RALGAPB: variants seen among roughly 807,000 people sequenced by gnomAD.
RALGAPB encodes the protein ral GTPase-activating protein subunit beta.
RALGAPB carries 25 observed loss-of-function variants against 161.1 expected under a neutral mutation model. The observed-to-expected ratio is 0.16, with a 90% confidence interval of 0.11 to 0.22. RALGAPB has a LOEUF of 0.22. Among genes scored for constraint, RALGAPB ranks in the 10% least tolerant of loss-of-function variants. RALGAPB has a pLI of 1.00. For missense variants in RALGAPB, 1,391 were observed against 1,815.2 expected, an observed-to-expected ratio of 0.77 and a Z score of 4.25; for synonymous variants, 629 against 626.1, an observed-to-expected ratio of 1.00 and a Z score of -0.07.
At chr20:38,518,095 T>G (rs1261227789) in intron 9 of RALGAPB, 95 bp downstream of exon 9, 1 of 1,168,744 alleles carries the variant, frequency 8.6e-7, no homozygotes, top group African/African-American at 1.5e-5. Context: ...ATATGTATCT[T>G]AAAAAGCTCT....
At chr20:38,572,349 ACT>A (rs1362556916) in intron 28 of RALGAPB, among the ~76,000 whole-genome samples, 1 of 152,180 alleles carries the variant, frequency 6.6e-6, no homozygotes, top group Non-Finnish European at 1.5e-5. Flanking sequence ...TTGGTTTATA[ACT>A]CTAAGAGTTC....
intron 1 of RALGAPB, among the ~76,000 whole-genome samples, chr20:38,487,992 G>A (rs889473109): frequency 3.3e-5 from 5 of 152,134 alleles, no homozygotes; most frequent in East Asian, 1.9e-4. Context: ...CTTGAATCGC[G>A]GAGGTTGCTG....
In RALGAPB at chr20:38,524,797, C is replaced by A; in HGVS notation, c.1639C>A (p.Gln547Lys). Residue 547 changes from glutamine to lysine, a missense_variant, in exon 11 of 30, where the codon CAA becomes AAA. By Grantham distance (53) the Gln-to-Lys change is moderately conservative. This residue lies in a region of RALGAPB where 946 missense variants were observed against 1,257.2 expected (regional missense o/e 0.75). Transcript: ENST00000262879. ...YLSRFYMLLI[Q>K]GLQINDYVCH... is the part of the protein sequence containing the mutation. ...TCCTAGATTTTACATGCTTTTAATTCAAGGTTTGCAGATAAATGATTATGT... is the reference window on the plus strand; with the variant it reads ...TCCTAGATTTTACATGCTTTTAATTAAAGGTTTGCAGATAAATGATTATGT... 6.2e-7 allele frequency: 1 copy of A among 1,607,012 alleles called. No homozygotes were observed. The highest frequency in any genetic ancestry group is 8.5e-7 in the Non-Finnish European group (1 of 1,174,896).
At chr20:38,535,666 C>G (rs1046534108) in intron 16 of RALGAPB, among the ~76,000 whole-genome samples, 1 of 150,256 alleles carries the variant, frequency 6.7e-6, no homozygotes, top group Non-Finnish European at 1.5e-5. Flanking sequence ...AAACTTGTTG[C>G]ACTGCAGCCT....
chr20:38,554,931 T>C (rs1013359212), intron 22 of RALGAPB, among the ~76,000 whole-genome samples: 9 of 152,096 alleles, frequency 5.9e-5, no homozygotes, highest in African/African-American at 2.2e-4. Flanking sequence ...AAATTGTTTT[T>C]AAAAATTAGC....
intron 15 of RALGAPB, 131 bp from the exon 16 acceptor site, chr20:38,534,943 A>T (rs2086758884): frequency 9.1e-7 from 1 of 1,103,278 alleles, no homozygotes; most frequent in African/African-American, 1.5e-5. Flanking sequence ...TGGGGAGCGT[A>T]GCACTGTGTG....
In RALGAPB at chr20:38,521,617, G is replaced by T; in HGVS notation, c.1538G>T (p.Arg513Ile). 1 of 1,614,226 alleles carries T rather than the reference G, an allele frequency of 6.2e-7. No homozygotes were observed. The highest frequency in any genetic ancestry group is 1.1e-5 in the South Asian group (1 of 91,082). The change falls in exon 10 of 30, where the codon AGA (arginine) becomes ATA (isoleucine). Residue 513 changes from arginine (R) to isoleucine (I), a missense_variant. Physicochemically the swap from Arg to Ile is moderately conservative, Grantham distance 97. This residue lies in a region of RALGAPB where 946 missense variants were observed against 1,257.2 expected (regional missense o/e 0.75). Transcript: ENST00000262879. Reference protein sequence around the residue: ...SEFPDNYEAGRAEACGTLCRI... With the variant: ...SEFPDNYEAGIAEACGTLCRI... Reference sequence around the variant, plus strand: ...TTTCCTGATAACTATGAAGCAGGAAGAGCTGAGGCTTGTGGGACACTGTGT... The same window carrying T: ...TTTCCTGATAACTATGAAGCAGGAATAGCTGAGGCTTGTGGGACACTGTGT...
chr20:38,503,608 A>G (rs1040653758), intron 5 of RALGAPB, among the ~76,000 whole-genome samples: 1 of 152,250 alleles, frequency 6.6e-6, no homozygotes, highest in African/African-American at 2.4e-5. Flanking sequence ...CTCCTGGTAT[A>G]GATGCCATGA....
At chr20:38,550,323 A>G (rs184600139) in intron 20 of RALGAPB, among the ~76,000 whole-genome samples, 4 of 152,354 alleles carry the variant, frequency 2.6e-5, no homozygotes, top group Non-Finnish European at 5.9e-5. Flanking sequence ...AAAAAAATTT[A>G]AAATGTGACT....
intron 1 of RALGAPB, among the ~76,000 whole-genome samples, chr20:38,484,398 T>G (rs1288010480): frequency 6.6e-6 from 1 of 152,234 alleles, no homozygotes; most frequent in Non-Finnish European, 1.5e-5. Context: ...CAACAGCTTA[T>G]ACAAAGTATA....
At chr20:38,478,236 C>T (rs749616477) in intron 1 of RALGAPB, among the ~76,000 whole-genome samples, 1 of 152,178 alleles carries the variant, frequency 6.6e-6, no homozygotes, top group Non-Finnish European at 1.5e-5. Context: ...GTCCCAGATC[C>T]GCTGTTACTT....
At chr20:38,564,452 A>G (rs751291511) in intron 24 of RALGAPB, among the ~76,000 whole-genome samples, 19 of 152,042 alleles carry the variant, frequency 1.2e-4, no homozygotes, top group Admixed American at 4.6e-4. Flanking sequence ...GTATCTTCCA[A>G]TTTTTTCGGT....
intron 9 of RALGAPB, among the ~76,000 whole-genome samples, 160 bp downstream of exon 9, chr20:38,518,160 A>G (rs142001297): frequency 6.6e-6 from 1 of 152,346 alleles, no homozygotes; most frequent in East Asian, 1.9e-4. Flanking sequence ...GAAGTAACAG[A>G]ACTTAAGAAG....
rs1309373435 is a variant in RALGAPB at position 38,473,090 on chromosome 20, G to C, written c.-31+21G>C. The C allele has an allele frequency of 1.7e-5, 6 of 348,730 alleles. No individual in the cohort carries two copies. The East Asian group carries it at 2.6e-4, about 15-fold the overall frequency. The allele number at this position is 348,730 out of a possible 1,614,324, so 21.6% of individuals were successfully genotyped here. A position where few individuals can be genotyped will look rare whatever the true frequency, so the allele number is the denominator to read the frequency against. ...CTCAGGTAACCGGGCAGCCGGCCCC[G>C]CCGCGGCCGGACCCTCCCCTCTCCT... On this transcript the variant is annotated intron_variant, in intron 1 of 29. Transcript: ENST00000262879.
chr20:38,501,994 A>C (rs147696015), intron 5 of RALGAPB, among the ~76,000 whole-genome samples: 2,280 of 152,354 alleles, frequency 0.015, 25 homozygotes, highest in South Asian at 0.053. Context: ...AATTTATTAA[A>C]ACTTATGCAT....
chr20:38,536,319 T>A (rs2086801944), intron 16 of RALGAPB, among the ~76,000 whole-genome samples: 1 of 152,252 alleles, frequency 6.6e-6, no homozygotes. Flanking sequence ...TATTCCCTTT[T>A]ATGATTGGAT....
chr20:38,507,580 G>A (rs1028478453), intron 5 of RALGAPB, among the ~76,000 whole-genome samples: 2 of 152,094 alleles, frequency 1.3e-5, no homozygotes, highest in Non-Finnish European at 2.9e-5. Flanking sequence ...TTTGCATATC[G>A]CCCAGGCAGG....
intron 15 of RALGAPB, 78 bp from the exon 16 acceptor site, chr20:38,534,996 G>A (rs1040073254): frequency 2.6e-6 from 4 of 1,511,284 alleles, no homozygotes; most frequent in Non-Finnish European, 3.6e-6. Flanking sequence ...TCTGTGCCTA[G>A]TGGATGCTGT....
chr20:38,560,505 A>T (rs1303571871), intron 23 of RALGAPB, among the ~76,000 whole-genome samples: 1 of 152,152 alleles, frequency 6.6e-6, no homozygotes, highest in East Asian at 1.9e-4. Context: ...CTTGGAGCTT[A>T]AGAGAAGGTG....
Sources: gnomAD v4.1 joint callset for allele counts (sites outside exome capture counted in the v4.1 genomes callset) on GRCh38, gnomAD v4.1.1 for gene constraint, gnomAD v4.1.1 regional missense constraint, MANE v1.5 for transcripts, NCBI Gene and HGNC (gene_info 2026-07-23, HGNC 2026-07-21) for gene names.